Variants in KIF26B observed in about 807,000 individuals in gnomAD.
KIF26B encodes kinesin family member 26B.
A neutral mutation model predicts 151.2 loss-of-function variants in KIF26B; 63 were observed. The ratio of observed to expected loss-of-function variants is 0.42; its 90% CI spans 0.34 to 0.51. The LOEUF (loss-of-function observed/expected upper bound fraction) is 0.51. Ranked by LOEUF, KIF26B falls within the 20% of genes least tolerant of loss-of-function variation. The pLI, the probability that KIF26B is intolerant of heterozygous loss-of-function variation, is 0.07. For missense variants in KIF26B, 2,813 were observed against 2,913.6 expected (o/e 0.97, Z 0.79); for synonymous variants, 1,357 against 1,262.1 (o/e 1.08, Z -1.59).
intron 4 of KIF26B, among the ~76,000 whole-genome samples, chr1:245,503,976 A>C (rs1660676663): frequency 6.6e-6 from 1 of 152,210 alleles, no homozygotes. Context: ...TGCAGCCAGC[A>C]CAAGGGTTTC....
chr1:245,464,410 T>TG (rs968017032), intron 4 of KIF26B, among the ~76,000 whole-genome samples: 17 of 148,568 alleles, frequency 1.1e-4, no homozygotes, highest in South Asian at 2.2e-4. Context: ...TGTGCGTATG[T>TG]GGGGGTGTGT....
intron 10 of KIF26B, among the ~76,000 whole-genome samples, chr1:245,661,580 A>C (rs1558256708): frequency 6.6e-6 from 1 of 150,986 alleles, no homozygotes; most frequent in African/African-American, 2.4e-5. Context: ...ATATATACAC[A>C]CCCCCAATAT....
chr1:245,687,695 C>A lies in KIF26B; in HGVS notation c.4712C>A (p.Pro1571Gln), dbSNP rs2044550726. ...GGGGTGGGTGCAGCCTCGGGCACCC[C>A]GCCCTCCAAGGCTACCCTGGAGGGG... ...TNGVGAASGT[P>Q]PSKATLEGKV... The change falls in exon 12 of 15, where the codon CCG becomes CAG. Residue 1571 changes from proline to glutamine, a missense_variant. Physicochemically the swap from Pro to Gln is moderately conservative, Grantham distance 76. Coordinates refer to ENST00000407071, the MANE Select transcript of KIF26B (RefSeq NM_018012.4). The surrounding 1 kb of genome is among the most constrained non-coding windows in gnomAD (Gnocchi z 4.9). 6.3e-7 allele frequency: 1 copy of A among 1,582,344 alleles called. No homozygotes were observed. Among genetic ancestry groups the A allele is most frequent in the South Asian group, 1.2e-5 (1 of 86,086 alleles).
At position 245,366,969 on chromosome 1, in the gene KIF26B, A is replaced by G; in HGVS notation, c.601A>G (p.Met201Val). The stretch of plus-strand genomic sequence containing the variant: ...CCAGTTGAAGCAGGAGGCCATCCAG[A>G]TGGTGCTGACGTTGGAGCAGGCAGC... ...LNQLKQEAIQ[M>V]VLTLEQAAGS... is the part of the protein sequence containing the mutation. Residue 201 changes from methionine (M) to valine (V), a missense_variant, in exon 3 of 15, where the codon ATG (methionine) becomes GTG (valine). Physicochemically the swap from Met to Val is conservative, Grantham distance 21 (BLOSUM62 1). Coordinates refer to ENST00000407071, the MANE Select transcript of KIF26B (RefSeq NM_018012.4). 1 of 1,613,972 alleles carries G rather than the reference A, an allele frequency of 6.2e-7. No homozygotes were observed. The highest frequency in any genetic ancestry group is 8.5e-7 in the Non-Finnish European group (1 of 1,179,882).
chr1:245,522,451 T>C (rs912743912), intron 4 of KIF26B, among the ~76,000 whole-genome samples: 4 of 152,188 alleles, frequency 2.6e-5, no homozygotes, highest in Non-Finnish European at 4.4e-5. Flanking sequence ...AGTTGTCCTG[T>C]CCCTGTTCAT....
intron 2 of KIF26B, among the ~76,000 whole-genome samples, chr1:245,272,912 G>T (rs899972710): frequency 1.3e-5 from 2 of 152,132 alleles, no homozygotes; most frequent in African/African-American, 4.8e-5. Flanking sequence ...TCTTAAATCT[G>T]TTAAGTCTTG....
At chr1:245,387,122 G>A (rs943206898) in intron 3 of KIF26B, among the ~76,000 whole-genome samples, 34 of 152,036 alleles carry the variant, frequency 2.2e-4, no homozygotes, top group Non-Finnish European at 1.3e-4. Flanking sequence ...GGGTGTACTA[G>A]AGGCTGTATT....
At chr1:245,437,574 AGCCTAGATCAT>A (rs1170121492) in intron 4 of KIF26B, among the ~76,000 whole-genome samples, 13 of 152,256 alleles carry the variant, frequency 8.5e-5, no homozygotes, top group African/African-American at 2.6e-4. Context: ...TGATTTATGG[AGCCTAGATCAT>A]GCTTGGCTGG....
chr1:245,214,971 T>C (rs1669615729), intron 2 of KIF26B, among the ~76,000 whole-genome samples: 1 of 152,278 alleles, frequency 6.6e-6, no homozygotes, highest in Non-Finnish European at 1.5e-5. Flanking sequence ...ATCGGCTGAA[T>C]GAGGGCAAAC....
At chr1:245,336,019 A>AAAG (rs1558393412) in intron 2 of KIF26B, among the ~76,000 whole-genome samples, 29 of 121,650 alleles carry the variant, frequency 2.4e-4, no homozygotes, top group East Asian at 7.6e-4. Flanking sequence ...CCACGCAGGG[A>AAAG]GAGTCCCACG....
intron 2 of KIF26B, among the ~76,000 whole-genome samples, chr1:245,303,416 T>A (rs1315058619): frequency 6.6e-6 from 1 of 150,724 alleles, no homozygotes; most frequent in Non-Finnish European, 1.5e-5. Flanking sequence ...GCCAGGATGG[T>A]CTCGATCTCC....
intron 2 of KIF26B, among the ~76,000 whole-genome samples, chr1:245,201,313 A>G (rs532871095): frequency 6.6e-6 from 1 of 152,360 alleles, no homozygotes; most frequent in East Asian, 1.9e-4. Flanking sequence ...GCTTGAAATA[A>G]AATAATCCTG....
Position 245,244,115 on chromosome 1 carries a change from TTTTA to T in KIF26B, c.465+87448_465+87451del, listed in dbSNP as rs1424469506. Among the ~76,000 whole-genome samples, 2 of 151,862 alleles carry T rather than the reference TTTTA, an allele frequency of 1.3e-5. No individual in the cohort carries two copies. Among genetic ancestry groups the T allele is most frequent in the African/African-American group, 2.4e-5 (1 of 41,332 alleles). On this transcript the variant is annotated intron_variant, in intron 2 of 14. Coordinates refer to ENST00000407071, the MANE Select transcript of KIF26B (RefSeq NM_018012.4). This position sits in a 1 kb window ranked among gnomAD's most constrained non-coding sequence, Gnocchi z 4.2. ...GCATGCACCATCATGCCTGGCTAATTTTTATTTATTTATTTATTTTTTGTAGAGA... is the reference window on the plus strand; with the variant it reads ...GCATGCACCATCATGCCTGGCTAATTTTTATTTATTTATTTTTTGTAGAGA...
rs1071496 is a variant in KIF26B at position 245,444,201 on chromosome 1, C to A, written c.1166+24456C>A. 2.6e-5 allele frequency among the ~76,000 whole-genome samples: 3 copies of A among 116,056 alleles called. 1 individual carries two copies. Among genetic ancestry groups the A allele is most frequent in the African/African-American group, 1.2e-4 (3 of 25,962 alleles). 76.1% of individuals were successfully genotyped at this position (116,056 alleles called of 152,430 possible). ...AGTGGTCATCTCCCTCACTGTTCAC[C>A]TAGAGGAGAGGTCATCTCCCTCACT... On this transcript the variant is annotated intron_variant, in intron 4 of 14. Transcript: ENST00000407071.
chr1:245,213,818 T>C (rs1277973269), intron 2 of KIF26B, among the ~76,000 whole-genome samples: 1 of 152,196 alleles, frequency 6.6e-6, no homozygotes, highest in Non-Finnish European at 1.5e-5. Flanking sequence ...CAGAATTTCC[T>C]GATTGAGGAT....
intron 4 of KIF26B, among the ~76,000 whole-genome samples, chr1:245,472,132 GC>G (rs1303546187): frequency 2.0e-5 from 3 of 152,128 alleles, no homozygotes; most frequent in African/African-American, 7.2e-5. Context: ...CAATAAACAA[GC>G]CAGAAAATAC....
intron 2 of KIF26B, among the ~76,000 whole-genome samples, chr1:245,303,306 C>T (rs1671470990): frequency 6.8e-6 from 1 of 147,848 alleles, no homozygotes; most frequent in South Asian, 2.1e-4. Context: ...TCACGCCATT[C>T]TCCTGCCTCA....
At position 245,156,372 on chromosome 1, in the gene KIF26B, A is replaced by G; in HGVS notation, c.154A>G (p.Ser52Gly). 1.3e-6 allele frequency: 2 copies of G among 1,543,716 alleles called. No individual in the cohort carries two copies. Among genetic ancestry groups the G allele is most frequent in the Middle Eastern group, 1.8e-4 (1 of 5,468 alleles). The change falls in exon 2 of 15, where the codon AGC becomes GGC. Residue 52 changes from serine (S) to glycine (G), a missense_variant. Physicochemically the swap from Ser to Gly is moderately conservative, Grantham distance 56. Transcript: ENST00000407071. ...AGCATACGAGGAGTCGCGCGCCGGCAGCCGGCCCACTCCTGAGGGCGCGGG... is the reference window on the plus strand; with the variant it reads ...AGCATACGAGGAGTCGCGCGCCGGCGGCCGGCCCACTCCTGAGGGCGCGGG... ...RKAYEESRAGSRPTPEGAGSA... is the reference protein window; with the variant it reads ...RKAYEESRAGGRPTPEGAGSA...
chr1:245,388,310 G>T (rs1366164778), intron 3 of KIF26B, among the ~76,000 whole-genome samples: 2 of 152,130 alleles, frequency 1.3e-5, no homozygotes, highest in African/African-American at 4.8e-5. Context: ...AATAGGAAAA[G>T]TACATAAAAT....
Sources: allele counts gnomAD v4.1 joint callset (sites outside exome capture counted in the v4.1 genomes callset), GRCh38; gene constraint gnomAD v4.1.1; non-coding constraint Gnocchi (gnomAD v3.1); transcripts MANE v1.5; gene names NCBI Gene and HGNC (gene_info 2026-07-23, HGNC 2026-07-21).